Variants in ASXL3 observed in about 807,000 individuals in gnomAD.
ASXL3 encodes putative Polycomb group protein ASXL3.
A neutral mutation model predicts 170.6 loss-of-function variants in ASXL3; 34 were observed. That is an observed-to-expected ratio of 0.20 (90% CI 0.15 to 0.27). ASXL3 has a LOEUF of 0.27. Ranked by LOEUF, ASXL3 falls within the 10% of genes least tolerant of loss-of-function variation. The probability of loss-of-function intolerance (pLI) is 1.00; values close to 1 mark genes in which losing one functional copy is unlikely to be tolerated. For synonymous variants in ASXL3, 1,002 were observed against 989.1 expected, an observed-to-expected ratio of 1.01 and a Z score of -0.24; for missense variants, 2,592 against 2,695.3, an observed-to-expected ratio of 0.96 and a Z score of 0.85.
At chr18:33,724,961 A>G (rs2067324244) in intron 8 of ASXL3, among the ~76,000 whole-genome samples, 1 of 152,018 alleles carries the variant, frequency 6.6e-6, no homozygotes. Flanking sequence ...AAAGAATAAT[A>G]TTTTCCCTTG....
intron 10 of ASXL3, 134 bp downstream of exon 10, chr18:33,734,549 A>T (rs1182765328): frequency 6.4e-6 from 3 of 469,664 alleles, no homozygotes; most frequent in Non-Finnish European, 1.1e-5. Context: ...TCAGTGTAAG[A>T]AATTGCAGAT....
At chr18:33,585,659 A>G (rs1322829196) in intron 1 of ASXL3, among the ~76,000 whole-genome samples, 3 of 152,222 alleles carry the variant, frequency 2.0e-5, no homozygotes, top group Admixed American at 1.3e-4. Context: ...TTAGCGCCAA[A>G]GGGCTTGTCA....
intron 11 of ASXL3, among the ~76,000 whole-genome samples, chr18:33,740,727 A>AT (rs1178961284): frequency 6.6e-6 from 1 of 152,154 alleles, no homozygotes; most frequent in East Asian, 1.9e-4. Flanking sequence ...GTTTATGGGG[A>AT]TTTCAAGGTG....
rs374671253 is a variant in ASXL3, at chr18:33,738,868, A to G, written c.1464A>G (p.Glu488=). 8.7e-6 allele frequency: 14 copies of G among 1,613,516 alleles called. No homozygotes were observed. Among genetic ancestry groups the G allele is most frequent in the Non-Finnish European group, 1.0e-5 (12 of 1,179,800 alleles). The change falls in exon 11 of 12, where the codon GAA becomes GAG. Residue 488 remains glutamate, a synonymous_variant. Coordinates refer to ENST00000269197, the MANE Select transcript of ASXL3 (RefSeq NM_030632.3). ...EEAESLTNSH[E]EPQIAPPEDN... The stretch of plus-strand genomic sequence containing the variant: ...CTGAAAGTCTAACCAATTCTCATGA[A>G]GAACCCCAAATAGCACCTCCTGAAG...
chr18:33,717,755 T>C (rs915986734), intron 8 of ASXL3, among the ~76,000 whole-genome samples: 2 of 152,164 alleles, frequency 1.3e-5, no homozygotes, highest in Non-Finnish European at 2.9e-5. Context: ...TTTGGTTTAG[T>C]TTTTTTGGCC....
In ASXL3 at chr18:33,724,198, T is replaced by A. The variant is rs113693317; in HGVS notation, c.880-7770T>A. Among the ~76,000 whole-genome samples, 1,514 of 152,218 alleles carry A rather than the reference T, an allele frequency of 9.9e-3. 27 individuals carry two copies. Among genetic ancestry groups the A allele is most frequent in the African/African-American group, 0.034 (1,431 of 41,552 alleles). ...AGTCCTCATATGACTAGATAGAGTC[T>A]TGATTACAGCATTATAATCACAATA... On this transcript the variant is annotated intron_variant, in intron 8 of 11. Transcript: ENST00000269197.
At chr18:33,599,195 A>T (rs567333253) in intron 1 of ASXL3, among the ~76,000 whole-genome samples, 8 of 152,146 alleles carry the variant, frequency 5.3e-5, no homozygotes, top group Non-Finnish European at 8.8e-5. Flanking sequence ...TCTCTAATTC[A>T]TGTCAAACTA....
intron 1 of ASXL3, among the ~76,000 whole-genome samples, chr18:33,592,947 T>A (rs1023077286): frequency 6.6e-6 from 1 of 152,186 alleles, no homozygotes. Context: ...CTTAAGATAA[T>A]CTTGTTTATA....
Position 33,746,619 on chromosome 18 carries a change from C to T in ASXL3, c.*24C>T. ...AAGAGCTGAGTGAAAGATGCAGTAT[C>T]CCTTTTCCACACGGAAAAGCCAAAT... is the stretch of plus-strand genomic sequence containing the variant. On this transcript the variant is annotated 3_prime_UTR_variant, in exon 12 of 12. Coordinates refer to ENST00000269197, the MANE Select transcript of ASXL3 (RefSeq NM_030632.3). 6.5e-7 allele frequency: 1 copy of T among 1,535,136 alleles called. No individual in the cohort carries two copies.
chr18:33,616,236 C>T (rs754980657), intron 2 of ASXL3, among the ~76,000 whole-genome samples: 5 of 152,200 alleles, frequency 3.3e-5, no homozygotes, highest in Middle Eastern at 3.4e-3. Context: ...CAATCCTAAT[C>T]GACTTGGGCT....
At chr18:33,705,872 C>T (rs1217888244) in intron 8 of ASXL3, among the ~76,000 whole-genome samples, 1 of 151,810 alleles carries the variant, frequency 6.6e-6, no homozygotes, top group Non-Finnish European at 1.5e-5. Flanking sequence ...AGAGAACATA[C>T]CCTAGCATTT....
Position 33,646,880 on chromosome 18 carries a change from C to CGGG in ASXL3, c.355+537_355+539dup, listed in dbSNP as rs56102471. 1.1e-3 allele frequency among the ~76,000 whole-genome samples: 50 copies of CGGG among 43,900 alleles called. 1 individual carries two copies. The highest frequency in any genetic ancestry group is 4.7e-3 in the African/African-American group (45 of 9,560). 28.8% of individuals were successfully genotyped at this position (43,900 alleles called of 152,430 possible). A position where few individuals can be genotyped will look rare whatever the true frequency, so the allele number is the denominator to read the frequency against. On this transcript the variant is annotated intron_variant, in intron 4 of 11. Transcript: ENST00000269197. ...AACCTTCCAGAATTTTAAGGGGGAG[C>CGGG]GGGGGGGGGGGGCATTTTTCACCTC...
At chr18:33,731,881 C>T (rs2067454398) in intron 8 of ASXL3, 87 bp from the exon 9 acceptor site, 3 of 979,040 alleles carry the variant, frequency 3.1e-6, no homozygotes, top group Non-Finnish European at 4.8e-6. Flanking sequence ...CACTGCCCAA[C>T]ACCACTCAAT....
intron 1 of ASXL3, among the ~76,000 whole-genome samples, chr18:33,584,822 G>A (rs958533516): frequency 6.6e-6 from 1 of 151,964 alleles, no homozygotes; most frequent in Non-Finnish European, 1.5e-5. Flanking sequence ...ATATGTATGT[G>A]TGTCTGTGCA....
intron 4 of ASXL3, among the ~76,000 whole-genome samples, chr18:33,658,118 T>G (rs2066112218): frequency 6.6e-6 from 1 of 152,140 alleles, no homozygotes; most frequent in Non-Finnish European, 1.5e-5. Flanking sequence ...AAAACATCTG[T>G]CCTAATTCTT....
intron 8 of ASXL3, among the ~76,000 whole-genome samples, chr18:33,701,270 T>A (rs1027602183): frequency 6.6e-6 from 1 of 152,044 alleles, no homozygotes; most frequent in South Asian, 2.1e-4. Context: ...TTTTGTCTAT[T>A]CTGGGTCCCT....
chr18:33,657,221 A>G (rs775282782), intron 4 of ASXL3, among the ~76,000 whole-genome samples: 3 of 152,128 alleles, frequency 2.0e-5, no homozygotes. Flanking sequence ...TTTGCCAGGC[A>G]GAGTGCTGGG....
At chr18:33,610,747 G>A (rs1441955233) in intron 2 of ASXL3, among the ~76,000 whole-genome samples, 1 of 151,844 alleles carries the variant, frequency 6.6e-6, no homozygotes, top group Admixed American at 6.6e-5. Context: ...TAACAACTTC[G>A]GCTTGCATTC....
At chr18:33,623,149 T>C (rs952963053) in intron 2 of ASXL3, among the ~76,000 whole-genome samples, 1 of 152,172 alleles carries the variant, frequency 6.6e-6, no homozygotes, top group Non-Finnish European at 1.5e-5. Flanking sequence ...AGCACCTCCT[T>C]GTGAAGAATT....
Sources: gnomAD v4.1 joint callset for allele counts (sites outside exome capture counted in the v4.1 genomes callset) on GRCh38, gnomAD v4.1.1 for gene constraint, MANE v1.5 for transcripts, NCBI Gene and HGNC (gene_info 2026-07-23, HGNC 2026-07-21) for gene names.